Variants in DLC1 observed in about 807,000 individuals in gnomAD.
DLC1 encodes the protein rho GTPase-activating protein 7.
Under a neutral mutation model 140.3 loss-of-function variants are expected in DLC1, and 54 were observed. The observed-to-expected ratio is 0.38, with a 90% CI of 0.31 to 0.48. The LOEUF (loss-of-function observed/expected upper bound fraction) is 0.48, where lower values mean the gene tolerates loss of function less well. Among genes scored for constraint, DLC1 ranks in the 20% least tolerant of loss-of-function variants. DLC1 has a pLI of 0.96. For synonymous variants in DLC1, 986 were observed against 728.1 expected, an observed-to-expected ratio of 1.35 and a Z score of -5.70; for missense variants, 2,536 against 1,907.0, an observed-to-expected ratio of 1.33 and a Z score of -6.14.
chr8:13,146,130 C>T (rs1220250357), intron 5 of DLC1, among the ~76,000 whole-genome samples: 3 of 152,094 alleles, frequency 2.0e-5, no homozygotes, highest in Admixed American at 1.3e-4. Flanking sequence ...AAAAAATTAG[C>T]CGGACATAGT....
chr8:13,445,750 G>A lies in DLC1; in HGVS notation c.1024-44131C>T, dbSNP rs572668277. Reference sequence around the variant, plus strand: ...TAGGAGAAAGAAAAACAAAACAAAAGTAACCCAGACATCTCTCTTCTTTCC... The same window carrying A: ...TAGGAGAAAGAAAAACAAAACAAAAATAACCCAGACATCTCTCTTCTTTCC... On this transcript the variant is annotated intron_variant, in intron 2 of 17. Transcript: ENST00000276297. Among the ~76,000 whole-genome samples the A allele has an allele frequency of 3.3e-5, 5 of 152,264 alleles. No homozygotes were observed. In the East Asian group the frequency reaches 7.7e-4, roughly 24 times the overall value.
rs1799168175 is a variant in DLC1, at chr8:13,453,402, GTGTATATATATATATATATATGTGTA to G, written c.1023+45621_1023+45646del. Reference sequence around the variant, plus strand: ...GATGGCCCAGGATATATATATATATGTGTATATATATATATATATATGTGTATATATATATGTATATATATACATAT... The same window carrying G: ...GATGGCCCAGGATATATATATATATGTATATATATGTATATATATACATAT... On this transcript the variant is annotated intron_variant, in intron 2 of 17. Coordinates refer to ENST00000276297, the MANE Select transcript of DLC1 (RefSeq NM_182643.3). Among the ~76,000 whole-genome samples the G allele has an allele frequency of 2.4e-4, 5 of 20,818 alleles. No homozygotes were observed. The South Asian group carries it at 5.2e-3, about 22-fold the overall frequency. 13.7% of individuals were successfully genotyped at this position (20,818 alleles called of 152,430 possible). A position where few individuals can be genotyped will look rare whatever the true frequency, so the allele number is the denominator to read the frequency against.
chr8:13,593,842 T>C (rs972597461), intron 1 of DLC1, among the ~76,000 whole-genome samples: 22 of 152,116 alleles, frequency 1.4e-4, no homozygotes, highest in African/African-American at 5.3e-4. Flanking sequence ...AAAGATTTCA[T>C]CTATGTGGGT....
intron 3 of DLC1, among the ~76,000 whole-genome samples, chr8:13,394,506 A>G (rs1836926655): frequency 1.3e-5 from 2 of 152,124 alleles, no homozygotes; most frequent in Admixed American, 1.3e-4. Flanking sequence ...TTAATATATC[A>G]TATGCTTTCT....
chr8:13,413,944 C>G (rs1310690169), intron 2 of DLC1, among the ~76,000 whole-genome samples: 1 of 151,868 alleles, frequency 6.6e-6, no homozygotes, highest in Admixed American at 6.6e-5. Flanking sequence ...GGGAGAGGGG[C>G]AAAGAAACCT....
chr8:13,247,065 C>T (rs991384130), intron 5 of DLC1, among the ~76,000 whole-genome samples: 15 of 152,152 alleles, frequency 9.9e-5, no homozygotes, highest in African/African-American at 3.6e-4. Flanking sequence ...TTGTAAGGAG[C>T]GTCACCTATT....
intron 1 of DLC1, among the ~76,000 whole-genome samples, chr8:13,547,032 A>C (rs1034265820): frequency 2.6e-5 from 4 of 152,124 alleles, no homozygotes; most frequent in African/African-American, 9.6e-5. Context: ...ATTCCTGAAA[A>C]TATTTTGATA....
chr8:13,235,243 C>T lies in DLC1; in HGVS notation c.1348+70026G>A, dbSNP rs553213514. Reference sequence around the variant, plus strand: ...CAGGTGAAAATGAACTACCTAGTGTCATATTGACTTTGGAGGCCACTCAGT... The same window carrying T: ...CAGGTGAAAATGAACTACCTAGTGTTATATTGACTTTGGAGGCCACTCAGT... On this transcript the variant is annotated intron_variant, in intron 5 of 17. Coordinates refer to ENST00000276297, the MANE Select transcript of DLC1 (RefSeq NM_182643.3). Among the ~76,000 whole-genome samples the T allele has an allele frequency of 2.6e-4, 40 of 152,154 alleles. 1 individual carries two copies. In the East Asian group the frequency reaches 7.7e-3, roughly 29 times the overall value.
At chr8:13,182,805 C>T (rs922115539) in intron 5 of DLC1, among the ~76,000 whole-genome samples, 1 of 152,164 alleles carries the variant, frequency 6.6e-6, no homozygotes, top group African/African-American at 2.4e-5. Context: ...GCAATGTGGG[C>T]TCTTTTTTGG....
chr8:13,393,670 A>G lies in DLC1; in HGVS notation c.1197T>C (p.Ser399=). 5 of 1,613,950 alleles carry G rather than the reference A, an allele frequency of 3.1e-6. No individual in the cohort carries two copies. The highest frequency in any genetic ancestry group is 4.2e-6 in the Non-Finnish European group (5 of 1,179,978). The change falls in exon 4 of 18, where the codon AGT becomes AGC. Residue 399 remains serine, a synonymous_variant. Transcript: ENST00000276297. ...GATTTACTGAAATGGTATCTGCTCC[A>G]CTTTCAGATCCTGATTCCAGATCCT... is the stretch of plus-strand genomic sequence containing the variant. ...HVPDLESGSE[S]GADTISVNQT... is the part of the protein sequence containing the mutation.
intron 1 of DLC1, among the ~76,000 whole-genome samples, chr8:13,599,194 GA>G (rs1156233052): frequency 6.6e-6 from 1 of 151,562 alleles, no homozygotes; most frequent in Non-Finnish European, 1.5e-5. Flanking sequence ...ACAAAGGGAA[GA>G]AAAAAACATG....
At chr8:13,483,077 C>A (rs1267152339) in intron 2 of DLC1, among the ~76,000 whole-genome samples, 1 of 152,190 alleles carries the variant, frequency 6.6e-6, no homozygotes, top group Non-Finnish European at 1.5e-5. Flanking sequence ...CAGAATCTTT[C>A]CTTCCCTCTT....
chr8:13,318,168 G>T lies in DLC1; in HGVS notation c.1315-12866C>A, dbSNP rs915383469. 2.6e-5 allele frequency among the ~76,000 whole-genome samples: 4 copies of T among 151,466 alleles called. No homozygotes were observed. The East Asian group carries it at 7.8e-4, about 29-fold the overall frequency. On this transcript the variant is annotated intron_variant, in intron 4 of 17. Coordinates refer to ENST00000276297, the MANE Select transcript of DLC1 (RefSeq NM_182643.3). ...TCAGTCTCCTGAGTAGCTAGGACTA[G>T]CATGCACCACTACACTCAGCTAATT...
At chr8:13,552,224 C>G (rs981143078) in intron 1 of DLC1, among the ~76,000 whole-genome samples, 5 of 136,780 alleles carry the variant, frequency 3.7e-5, no homozygotes, top group African/African-American at 1.1e-4. Context: ...CCTGTCTAGA[C>G]AGATATATAT....
intron 5 of DLC1, among the ~76,000 whole-genome samples, chr8:13,302,154 T>C (rs1832225485): frequency 6.6e-6 from 1 of 152,236 alleles, no homozygotes; most frequent in South Asian, 2.1e-4. Flanking sequence ...AGTACTTTGA[T>C]TTGATTCCTT....
chr8:13,473,335 C>T (rs1800295716), intron 2 of DLC1, among the ~76,000 whole-genome samples: 1 of 152,058 alleles, frequency 6.6e-6, no homozygotes, highest in South Asian at 2.1e-4. Flanking sequence ...CCATGCTGTT[C>T]CCGTGATAGT....
chr8:13,370,402 G>A (rs1028343071), intron 4 of DLC1, among the ~76,000 whole-genome samples: 1 of 152,106 alleles, frequency 6.6e-6, no homozygotes, highest in Non-Finnish European at 1.5e-5. Flanking sequence ...GCTCCCCGTT[G>A]TTTTCTCTCA....
At chr8:13,149,223 T>C (rs537841951) in intron 5 of DLC1, among the ~76,000 whole-genome samples, 1 of 152,202 alleles carries the variant, frequency 6.6e-6, no homozygotes, top group Non-Finnish European at 1.5e-5. Context: ...CATTTGCCCT[T>C]CCTAGTTCAC....
chr8:13,581,970 AGT>A (rs1206249280), intron 1 of DLC1, among the ~76,000 whole-genome samples: 2 of 152,002 alleles, frequency 1.3e-5, no homozygotes, highest in Non-Finnish European at 1.5e-5. Flanking sequence ...TCTGTGTGTG[AGT>A]GTGTGTGTGG....
Sources: gnomAD v4.1 joint callset for allele counts (sites outside exome capture counted in the v4.1 genomes callset) on GRCh38, gnomAD v4.1.1 for gene constraint, MANE v1.5 for transcripts, NCBI Gene and HGNC (gene_info 2026-07-23, HGNC 2026-07-21) for gene names.